Variants in MTUS1 observed in about 807,000 individuals in gnomAD.
MTUS1 encodes the protein microtubule-associated tumor suppressor 1.
MTUS1 carries 109 observed loss-of-function variants against 120.8 expected under a neutral mutation model. The ratio of observed to expected loss-of-function variants is 0.90; its 90% CI spans 0.77 to 1.06. MTUS1 has a LOEUF of 1.06. Among genes scored for constraint, MTUS1 ranks in the 50% least tolerant of loss-of-function variants. MTUS1 has a pLI of 0.00. For synonymous variants in MTUS1, 737 were observed against 550.5 expected (o/e 1.34, Z -4.74); for missense variants, 2,210 against 1,486.3 (o/e 1.49, Z -8.01).
At chr8:17,790,240 C>T (rs139767202) in intron 1 of MTUS1, among the ~76,000 whole-genome samples, 3 of 151,212 alleles carry the variant, frequency 2.0e-5, no homozygotes, top group African/African-American at 2.4e-5. Flanking sequence ...CCCAGCTACT[C>T]GGGAGGCTGA....
intron 1 of MTUS1, among the ~76,000 whole-genome samples, chr8:17,765,958 TTAAGA>T (rs1438404717): frequency 1.3e-5 from 2 of 152,106 alleles, no homozygotes; most frequent in Non-Finnish European, 1.5e-5. Flanking sequence ...TAATTATCAT[TTAAGA>T]TATCATTTAC....
chr8:17,764,267 G>C (rs1340313064), intron 1 of MTUS1, among the ~76,000 whole-genome samples: 5 of 152,076 alleles, frequency 3.3e-5, no homozygotes, highest in African/African-American at 9.7e-5. Context: ...GGGATACAGA[G>C]AATCAGGGTA....
At chr8:17,745,761 C>T (rs537107466) in intron 2 of MTUS1, among the ~76,000 whole-genome samples, 1 of 152,356 alleles carries the variant, frequency 6.6e-6, no homozygotes, top group African/African-American at 2.4e-5. Context: ...GGTTTTCCTT[C>T]TACCTGTCCG....
intron 6 of MTUS1, among the ~76,000 whole-genome samples, chr8:17,684,990 T>C (rs1325639863): frequency 1.3e-5 from 2 of 152,212 alleles, no homozygotes; most frequent in Non-Finnish European, 2.9e-5. Flanking sequence ...TTTCTACAAA[T>C]CTTTTACCTT....
chr8:17,653,604 G>A lies in MTUS1; in HGVS notation c.3215-106C>T. On this transcript the variant is annotated intron_variant, in intron 10 of 14. Transcript: ENST00000693296. ...GTAGGGGTTGATGATGAAGCCGTAT[G>A]ACGTTACTTTACATCTATAGTATGC... 3.8e-6 allele frequency: 3 copies of A among 784,700 alleles called. No individual in the cohort carries two copies. In the Admixed American group the frequency reaches 8.8e-5, roughly 23 times the overall value. 48.6% of individuals were successfully genotyped at this position (784,700 alleles called of 1,614,324 possible).
At chr8:17,728,705 G>T (rs2131155280) in intron 3 of MTUS1, among the ~76,000 whole-genome samples, 1 of 151,798 alleles carries the variant, frequency 6.6e-6, no homozygotes, top group East Asian at 1.9e-4. Context: ...ACAGTTGGGT[G>T]AGACATGGCA....
intron 2 of MTUS1, 141 bp from the exon 3 acceptor site, chr8:17,743,940 G>A: frequency 3.1e-6 from 2 of 647,004 alleles, no homozygotes; most frequent in Non-Finnish European, 2.6e-6. Flanking sequence ...AAAGAGGTCA[G>A]ACATGCCTCA....
intron 2 of MTUS1, among the ~76,000 whole-genome samples, chr8:17,746,728 T>C (rs1003598930): frequency 6.6e-6 from 1 of 152,136 alleles, no homozygotes; most frequent in Non-Finnish European, 1.5e-5. Flanking sequence ...CTACTTAACT[T>C]ACTAACATAT....
At chr8:17,678,318 A>G (rs1278158582) in intron 7 of MTUS1, among the ~76,000 whole-genome samples, 4 of 152,188 alleles carry the variant, frequency 2.6e-5, no homozygotes, top group Admixed American at 2.0e-4. Flanking sequence ...TAACAGGTTG[A>G]TTCAATTCTC....
At chr8:17,649,584 G>A (rs1466766412) in intron 13 of MTUS1, among the ~76,000 whole-genome samples, 1 of 152,156 alleles carries the variant, frequency 6.6e-6, no homozygotes, top group Non-Finnish European at 1.5e-5. Flanking sequence ...AAATACCACT[G>A]AAATATAAGC....
intron 1 of MTUS1, among the ~76,000 whole-genome samples, chr8:17,777,170 C>T (rs1423062591): frequency 3.3e-5 from 5 of 152,134 alleles, no homozygotes; most frequent in African/African-American, 1.2e-4. Flanking sequence ...GGCACTGTGG[C>T]TCATGCTTGT....
intron 3 of MTUS1, among the ~76,000 whole-genome samples, chr8:17,737,613 G>T (rs890993859): frequency 1.7e-4 from 26 of 152,094 alleles, no homozygotes; most frequent in Non-Finnish European, 1.8e-4. Context: ...TCAGCCTCCT[G>T]AGTAGCAAGG....
chr8:17,676,346 C>G, intron 7 of MTUS1: 1 of 702,988 alleles, frequency 1.4e-6, no homozygotes, highest in South Asian at 1.5e-5. Flanking sequence ...GCTTCTGTCT[C>G]CAAGTCCCCC....
At chr8:17,693,922 G>T (rs753102793) in intron 6 of MTUS1, among the ~76,000 whole-genome samples, 2 of 152,310 alleles carry the variant, frequency 1.3e-5, no homozygotes, top group East Asian at 3.9e-4. Context: ...TAATGTGAAA[G>T]ACAGTCTAGA....
Position 17,721,735 on chromosome 8 carries a change from A to G in MTUS1, c.2449+1937T>C, listed in dbSNP as rs755432579. ...ACTTTTTTTCCCAGTAAACGTGGCT[A>G]ACAAAGGAATTATACAAAGGCTGTA... On this transcript the variant is annotated intron_variant, in intron 4 of 14. Coordinates refer to ENST00000693296, the MANE Select transcript of MTUS1 (RefSeq NM_001363059.2). The G allele has an allele frequency of 1.0e-5, 16 of 1,586,374 alleles. No individual in the cohort carries two copies. In the South Asian group the frequency reaches 1.9e-4, roughly 19 times the overall value.
At chr8:17,771,642 A>G (rs1191509223) in intron 1 of MTUS1, among the ~76,000 whole-genome samples, 2 of 152,224 alleles carry the variant, frequency 1.3e-5, no homozygotes, top group Non-Finnish European at 2.9e-5. Context: ...ATGCATGCCA[A>G]GAAGTCTTGC....
chr8:17,734,925 T>C (rs2904729), intron 3 of MTUS1, among the ~76,000 whole-genome samples: 69,898 of 151,200 alleles, frequency 0.46, 16,892 homozygotes, highest in Middle Eastern at 0.59. Flanking sequence ...TTTTTTTTTC[T>C]TTTCTTTTCA....
chr8:17,654,262 T>C, intron 10 of MTUS1: 1 of 419,170 alleles, frequency 2.4e-6, no homozygotes, highest in Non-Finnish European at 4.3e-6. Flanking sequence ...AGATAGAAAC[T>C]TGTACTTGCC....
chr8:17,687,074 C>G (rs1386496008), intron 6 of MTUS1, among the ~76,000 whole-genome samples: 1 of 152,104 alleles, frequency 6.6e-6, no homozygotes, highest in African/African-American at 2.4e-5. Context: ...AGTGATTACT[C>G]AGGATAGCTT....
Sources: gnomAD v4.1 joint callset for allele counts (sites outside exome capture counted in the v4.1 genomes callset) on GRCh38, gnomAD v4.1.1 for gene constraint, MANE v1.5 for transcripts, NCBI Gene and HGNC (gene_info 2026-07-23, HGNC 2026-07-21) for gene names.